ESPL1: variants seen among roughly 807,000 people sequenced by gnomAD.
ESPL1 encodes the protein separin.
In ESPL1, 50 loss-of-function variants were observed where a neutral mutation model predicts 217.2. That is an observed-to-expected ratio of 0.23 (90% confidence interval 0.18 to 0.29). The LOEUF (loss-of-function observed/expected upper bound fraction) is 0.29, where lower values mean the gene tolerates loss of function less well. ESPL1 is among the 10% of genes least tolerant of loss of function. ESPL1 has a pLI of 1.00. For missense variants in ESPL1, 1,834 were observed against 2,603.0 expected (o/e 0.70, Z 6.43); for synonymous variants, 994 against 1,081.3 (o/e 0.92, Z 1.58).
intron 19 of ESPL1, 66 bp downstream of exon 19, chr12:53,288,407 C>A: frequency 1.3e-6 from 2 of 1,533,472 alleles, no homozygotes; most frequent in South Asian, 1.3e-5. Flanking sequence ...AAAGCACAAG[C>A]AGTAAGTGCT....
intron 16 of ESPL1, among the ~76,000 whole-genome samples, 183 bp from the exon 17 acceptor site, chr12:53,283,875 T>C (rs1439659146): frequency 6.6e-6 from 1 of 152,150 alleles, no homozygotes; most frequent in Non-Finnish European, 1.5e-5. Context: ...CAAGGAGAGT[T>C]GGGATTAGAG....
Position 53,270,439 on chromosome 12 carries a change from A to G in ESPL1, c.1205A>G (p.His402Arg), listed in dbSNP as rs931895925. 5 of 1,613,874 alleles carry G rather than the reference A, an allele frequency of 3.1e-6. No homozygotes were observed. In the African/African-American group the frequency reaches 5.3e-5, roughly 17 times the overall value. ...SFLQMYFQGL[H>R]LYTVVVYDFA... ...CTTCAGATGTACTTTCAGGGACTTC[A>G]CCTCTACACTGTGGTGGTTTATGAC... Residue 402 changes from histidine (H) to arginine (R), a missense_variant, in exon 4 of 31, where the codon CAC (histidine) becomes CGC (arginine). This residue lies in a region of ESPL1 where 746 missense variants were observed against 1,077.0 expected (regional missense o/e 0.69). Coordinates refer to ENST00000257934, the MANE Select transcript of ESPL1 (RefSeq NM_012291.5).
chr12:53,271,089 A>G (rs1395742883), intron 5 of ESPL1, among the ~76,000 whole-genome samples: 1 of 105,094 alleles, frequency 9.5e-6, no homozygotes, highest in Non-Finnish European at 1.9e-5. Flanking sequence ...TTTTATTTCT[A>G]TATTTTTTAA....
chr12:53,283,598 C>CATG, intron 16 of ESPL1, 60 bp downstream of exon 16: 1 of 1,501,568 alleles, frequency 6.7e-7, no homozygotes, highest in South Asian at 1.2e-5. Flanking sequence ...CACCCTTGAA[C>CATG]ATGGATTCCA....
intron 11 of ESPL1, among the ~76,000 whole-genome samples, 172 bp downstream of exon 11, chr12:53,278,132 G>C (rs1943802282): frequency 6.6e-6 from 1 of 152,190 alleles, no homozygotes; most frequent in Non-Finnish European, 1.5e-5. Flanking sequence ...ATTCATTAGT[G>C]TATGGCCTTG....
intron 5 of ESPL1, among the ~76,000 whole-genome samples, chr12:53,272,273 G>A (rs1943689918): frequency 6.6e-6 from 1 of 152,136 alleles, no homozygotes; most frequent in Non-Finnish European, 1.5e-5. Flanking sequence ...GATAAGAAAT[G>A]TGGGGGAAAG....
chr12:53,292,718 G>A lies in ESPL1; in HGVS notation c.5996+61G>A. On this transcript the variant is annotated intron_variant, in intron 29 of 30. Transcript: ENST00000257934. This position sits in a 1 kb window ranked among gnomAD's most constrained non-coding sequence, Gnocchi z 4.5. Reference sequence around the variant, plus strand: ...AGTCCTGAGGATGGTATCACCATGGGTTGCTTTGGGACTTGAGAGCCTCTG... The same window carrying A: ...AGTCCTGAGGATGGTATCACCATGGATTGCTTTGGGACTTGAGAGCCTCTG... The A allele has an allele frequency of 1.2e-6, 2 of 1,600,796 alleles. No individual in the cohort carries two copies. Among genetic ancestry groups the A allele is most frequent in the Non-Finnish European group, 1.7e-6 (2 of 1,170,322 alleles).
In ESPL1 at chr12:53,289,098, A is replaced by G; in HGVS notation, c.4717A>G (p.Thr1573Ala). The change falls in exon 21 of 31, where the codon ACC becomes GCC. Residue 1573 changes from threonine (T) to alanine (A), a missense_variant. This residue lies in a region of ESPL1 where 681 missense variants were observed against 808.0 expected (regional missense o/e 0.84). Transcript: ENST00000257934. ...PSAPVATGLS[T>A]LDSICDSLSV... ...TCCTGACGTTCTTCTAGGTCTTTCT[A>G]CCCTGGACTCCATCTGTGACTCCCT... 6.2e-7 allele frequency: 1 copy of G among 1,613,470 alleles called. No individual in the cohort carries two copies. The highest frequency in any genetic ancestry group is 1.7e-5 in the Admixed American group (1 of 60,010).
At position 53,270,387 on chromosome 12, in the gene ESPL1, G is replaced by T; in HGVS notation, c.1153G>T (p.Gly385Cys). ...CCGCTTCCTTCCTCAGGTGTATGGG[G>T]GCTCCTCCAAGCAACAGCAGTCTTT... ...QQLRDDGVYG[G>C]SSKQQQSFLQ... Residue 385 changes from glycine to cysteine, a missense_variant, in exon 4 of 31, where the codon GGC (glycine) becomes TGC (cysteine). Physicochemically the swap from Gly to Cys is radical, Grantham distance 159. Around this residue, in one of 5 missense-constraint regions of ESPL1, gnomAD observed 746 missense variants for 1,077.0 expected, o/e 0.69. Coordinates refer to ENST00000257934, the MANE Select transcript of ESPL1 (RefSeq NM_012291.5). The T allele has an allele frequency of 1.2e-6, 2 of 1,611,580 alleles. No individual in the cohort carries two copies. The highest frequency in any genetic ancestry group is 1.7e-6 in the Non-Finnish European group (2 of 1,177,794).
intron 17 of ESPL1, among the ~76,000 whole-genome samples, chr12:53,285,416 G>A (rs934743261): frequency 6.6e-6 from 1 of 152,224 alleles, no homozygotes; most frequent in Non-Finnish European, 1.5e-5. Flanking sequence ...AGGTGTGGGG[G>A]CTTTGTGGCC....
chr12:53,274,744 C>T, intron 6 of ESPL1, 73 bp from the exon 7 acceptor site: 2 of 1,269,356 alleles, frequency 1.6e-6, no homozygotes, highest in Non-Finnish European at 2.3e-6. Context: ...GTACCTATTG[C>T]ATGCATATCC....
intron 20 of ESPL1, 85 bp from the exon 21 acceptor site, chr12:53,289,005 G>A (rs1944006810): frequency 9.0e-7 from 1 of 1,110,216 alleles, no homozygotes; most frequent in Non-Finnish European, 1.4e-6. Flanking sequence ...TGGGAGATGA[G>A]ATAGGGACTG....
Position 53,283,244 on chromosome 12 carries a change from G to A in ESPL1, c.2907G>A (p.Ser969=), listed in dbSNP as rs115860198. ...CTCAGAAAGCAGCTGTGGAGACATC[G>A]TTTTTGGACTATGGTGAGTCTGGGG... The part of the protein sequence containing the change: ...LSTQKAAVET[S]FLDYGENLVQ... Residue 969 remains serine (S), a synonymous_variant, in exon 15 of 31, where the codon TCG becomes TCA. Coordinates refer to ENST00000257934, the MANE Select transcript of ESPL1 (RefSeq NM_012291.5). 2.4e-3 allele frequency: 3,798 copies of A among 1,614,186 alleles called. 71 individuals are homozygous for A. The African/African-American group carries it at 0.043, about 18-fold the overall frequency.
Position 53,286,045 on chromosome 12 carries a change from C to T in ESPL1, c.3309C>T (p.Gly1103=), listed in dbSNP as rs1278881117. The T allele has an allele frequency of 6.2e-7, 1 of 1,609,034 alleles. No homozygotes were observed. Among genetic ancestry groups the T allele is most frequent in the Non-Finnish European group, 8.5e-7 (1 of 1,175,662 alleles). The part of the protein sequence containing the change: ...QLPEEELFLR[G]PALELVATVA... Reference sequence around the variant, plus strand: ...CAGAGGAGGAGCTCTTCCTAAGAGGCCCTGCTCTAGAGCTGGTGGCCACTG... The same window carrying T: ...CAGAGGAGGAGCTCTTCCTAAGAGGTCCTGCTCTAGAGCTGGTGGCCACTG... The change falls in exon 18 of 31, where the codon GGC becomes GGT. Residue 1103 remains glycine, a synonymous_variant. Transcript: ENST00000257934. The surrounding 1 kb of genome is among the most constrained non-coding windows in gnomAD (Gnocchi z 5.3).
intron 8 of ESPL1, 101 bp from the exon 9 acceptor site, chr12:53,276,982 C>A (rs764217873): frequency 1.3e-4 from 197 of 1,555,510 alleles, no homozygotes; most frequent in Non-Finnish European, 1.7e-4. Context: ...CATGGGAGCA[C>A]ATGCAAAGGG....
At chr12:53,290,524 C>T in intron 24 of ESPL1, 55 bp downstream of exon 24, 1 of 1,598,588 alleles carries the variant, frequency 6.3e-7, no homozygotes, top group Non-Finnish European at 8.6e-7. Context: ...CGGGGGGTCC[C>T]AGTGACTTCT....
chr12:53,272,125 T>G (rs1943686597), intron 5 of ESPL1, among the ~76,000 whole-genome samples: 1 of 151,880 alleles, frequency 6.6e-6, no homozygotes, highest in Non-Finnish European at 1.5e-5. Context: ...ACTCACTGTG[T>G]GCAACGCACT....
At position 53,277,037 on chromosome 12, in the gene ESPL1, C is replaced by A. The variant is rs767535251; in HGVS notation, c.1941-46C>A. On this transcript the variant is annotated intron_variant, in intron 8 of 30. Coordinates refer to ENST00000257934, the MANE Select transcript of ESPL1 (RefSeq NM_012291.5). ...GCTAGCCCTTCCCAGGGCGCTATGGCAGATACTCATAGTAGGCCCAGCTTA... is the reference window on the plus strand; with the variant it reads ...GCTAGCCCTTCCCAGGGCGCTATGGAAGATACTCATAGTAGGCCCAGCTTA... 2.6e-5 allele frequency: 42 copies of A among 1,598,384 alleles called. No homozygotes were observed. The Admixed American group carries it at 6.8e-4, about 26-fold the overall frequency.
chr12:53,286,944 T>C lies in ESPL1; in HGVS notation c.4176+32T>C. ...TGGGACTGTTGCTAGGTGGTGGTGA[T>C]GGTGTTGGATGGGGTTAGTCCTGGA... On this transcript the variant is annotated intron_variant, in intron 18 of 30. Transcript: ENST00000257934. The surrounding 1 kb of genome is among the most constrained non-coding windows in gnomAD (Gnocchi z 5.3). 4 of 1,552,714 alleles carry C rather than the reference T, an allele frequency of 2.6e-6. No homozygotes were observed. The highest frequency in any genetic ancestry group is 1.7e-6 in the Non-Finnish European group (2 of 1,150,608).
Sources: gnomAD v4.1 joint callset for allele counts (sites outside exome capture counted in the v4.1 genomes callset) on GRCh38, gnomAD v4.1.1 for gene constraint, gnomAD v4.1.1 regional missense constraint, Gnocchi (gnomAD v3.1) non-coding constraint, MANE v1.5 for transcripts, NCBI Gene and HGNC (gene_info 2026-07-23, HGNC 2026-07-21) for gene names.